The following TBC1D31 variants were observed in gnomAD, a reference collection of about 807,000 sequenced individuals.
The protein encoded by TBC1D31 is WD repeat domain 67.
A neutral mutation model predicts 132.9 loss-of-function variants in TBC1D31; 99 were observed. The ratio of observed to expected loss-of-function variants is 0.74; its 90% CI spans 0.63 to 0.88. TBC1D31 has a LOEUF of 0.88. TBC1D31 is among the 40% of genes least tolerant of loss of function. The probability of loss-of-function intolerance (pLI) is 0.00; values close to 1 mark genes in which losing one functional copy is unlikely to be tolerated. For missense variants in TBC1D31, 1,134 were observed against 1,256.6 expected (o/e 0.90, Z 1.48); for synonymous variants, 385 against 419.4 (o/e 0.92, Z 1.00).
intron 7 of TBC1D31, chr8:123,103,146 G>T (rs1817608521): frequency 6.6e-6 from 1 of 152,176 alleles, no homozygotes; most frequent in Admixed American, 6.5e-5. Context: ...TGTTCATGGT[G>T]ACTTTATAGA....
downstream of TBC1D31, among the ~76,000 whole-genome samples, chr8:123,155,854 A>T (rs1240505955): frequency 6.6e-6 from 1 of 152,196 alleles, no homozygotes; most frequent in East Asian, 1.9e-4. This position sits in a 1 kb window ranked among gnomAD's most constrained non-coding sequence, Gnocchi z 4.1. Flanking sequence ...AATTGACACT[A>T]ATTACTATGG....
rs535744319 is a variant in TBC1D31, at chr8:123,093,705, A to T, written c.634A>T (p.Ser212Cys). The T allele has an allele frequency of 6.2e-7, 1 of 1,610,726 alleles. No homozygotes were observed. Among genetic ancestry groups the T allele is most frequent in the Non-Finnish European group, 8.5e-7 (1 of 1,177,790 alleles). Residue 212 changes from serine (S) to cysteine (C), a missense_variant, in exon 5 of 22, where the codon AGC (serine) becomes TGC (cysteine). By Grantham distance (112) the Ser-to-Cys change is moderately radical (BLOSUM62 -1). Transcript: ENST00000287380. Reference protein sequence around the residue: ...CKYQLPAPPESSSILYKVFAV... With the variant: ...CKYQLPAPPECSSILYKVFAV... ...ATATCAATTGCCAGCTCCACCTGAA[A>T]GCTCTAGTATATTATACAAAGTGTT... is the stretch of plus-strand genomic sequence containing the variant.
At chr8:123,074,311 C>T (rs1814253456) in intron 1 of TBC1D31, among the ~76,000 whole-genome samples, 1 of 152,202 alleles carries the variant, frequency 6.6e-6, no homozygotes, top group African/African-American at 2.4e-5. Flanking sequence ...TAAGCCACCG[C>T]GCCTGGCCGA....
rs1820360600 is a variant in TBC1D31 at position 123,128,920 on chromosome 8, CAG to C, written c.2118-143_2118-142del. On this transcript the variant is annotated intron_variant, in intron 14 of 21. Coordinates refer to ENST00000287380, the MANE Select transcript of TBC1D31 (RefSeq NM_145647.4). The stretch of plus-strand genomic sequence containing the variant: ...TAAATTATGAGTATTTGTGTAAAAT[CAG>C]AGTTTGAAGGCTAGAAATATTAAAG... 2.5e-5 allele frequency: 14 copies of C among 557,544 alleles called. 1 individual carries two copies. The South Asian group carries it at 6.2e-4, about 25-fold the overall frequency. The allele number at this position is 557,544 out of a possible 1,614,324, so 34.5% of individuals were successfully genotyped here. A position where few individuals can be genotyped will look rare whatever the true frequency, so the allele number is the denominator to read the frequency against.
At chr8:123,128,890 G>A (rs1245779085) in intron 14 of TBC1D31, among the ~76,000 whole-genome samples, 176 bp from the exon 15 acceptor site, 2 of 151,798 alleles carry the variant, frequency 1.3e-5, no homozygotes, top group East Asian at 3.9e-4. Flanking sequence ...AAAAAAAAAT[G>A]CATTTAAATT....
At chr8:123,150,979 G>C (rs1822719082) in intron 21 of TBC1D31, among the ~76,000 whole-genome samples, 1 of 152,098 alleles carries the variant, frequency 6.6e-6, no homozygotes, top group Non-Finnish European at 1.5e-5. Flanking sequence ...CTAATACCAA[G>C]TCATGAGATT....
Position 123,093,654 on chromosome 8 carries a change from T to C in TBC1D31, c.583T>C (p.Trp195Arg). 1.9e-6 allele frequency: 3 copies of C among 1,611,386 alleles called. No homozygotes were observed. The highest frequency in any genetic ancestry group is 2.5e-6 in the Non-Finnish European group (3 of 1,178,028). Residue 195 changes from tryptophan to arginine, a missense_variant, in exon 5 of 22, where the codon TGG (tryptophan) becomes CGG (arginine). Trp to Arg is a moderately radical substitution (Grantham distance 101). Coordinates refer to ENST00000287380, the MANE Select transcript of TBC1D31 (RefSeq NM_145647.4). ...SCFKDNSIFA[W>R]ECDTLFCKYQ... ...TTTTAAAGATAATTCCATTTTTGCC[T>C]GGGAATGTGACACACTTTTTTGCAA...
intron 2 of TBC1D31, among the ~76,000 whole-genome samples, chr8:123,078,994 A>G (rs1814843111): frequency 6.6e-6 from 1 of 152,242 alleles, no homozygotes; most frequent in South Asian, 2.1e-4. Context: ...GATGCAGTGA[A>G]AAGAACACGG....
intron 16 of TBC1D31, among the ~76,000 whole-genome samples, chr8:123,132,491 G>A (rs1820727310): frequency 7.9e-6 from 1 of 127,284 alleles, no homozygotes; most frequent in East Asian, 2.3e-4. Flanking sequence ...CCGGCTCACT[G>A]CAACCTCCAC....
downstream of TBC1D31, among the ~76,000 whole-genome samples, chr8:123,157,049 C>G (rs908607416): frequency 1.3e-5 from 2 of 152,256 alleles, no homozygotes; most frequent in Non-Finnish European, 2.9e-5. Flanking sequence ...TACACGTGCT[C>G]TTTCCTGGAC....
rs1563756852 is a variant in TBC1D31 at position 123,144,702 on chromosome 8, TTTA to T, written c.2836-12_2836-10del. On this transcript the variant is annotated splice_polypyrimidine_tract_variant and intron_variant, in intron 19 of 21. Transcript: ENST00000287380. ...ACTTTTTATGTAATCTTTTTTTCCA[TTTA>T]TTTGAATTTAGTGGAAGGAAGCTGA... 6.3e-7 allele frequency: 1 copy of T among 1,593,964 alleles called. No individual in the cohort carries two copies. Among genetic ancestry groups the T allele is most frequent in the Admixed American group, 1.9e-5 (1 of 53,760 alleles).
chr8:123,118,090 G>A (rs975167053), intron 10 of TBC1D31, among the ~76,000 whole-genome samples: 1 of 152,052 alleles, frequency 6.6e-6, no homozygotes, highest in African/African-American at 2.4e-5. Context: ...CTCAAAAATG[G>A]CATCATCATG....
At chr8:123,118,268 G>C (rs1252441337) in intron 10 of TBC1D31, among the ~76,000 whole-genome samples, 1 of 150,958 alleles carries the variant, frequency 6.6e-6, no homozygotes, top group Non-Finnish European at 1.5e-5. Context: ...AATAGCATGT[G>C]CCAGTGTTAA....
At position 123,129,106 on chromosome 8, in the gene TBC1D31, A is replaced by G. The variant is rs759258580; in HGVS notation, c.2158A>G (p.Arg720Gly). ...TATGCAAGCTAAAGTCGACCAGCAA[A>G]GAGTTGAAGATGAAGCTTGGTACCA... is the stretch of plus-strand genomic sequence containing the variant. ...EDMQAKVDQQ[R>G]VEDEAWYQKQ... Residue 720 changes from arginine (R) to glycine (G), a missense_variant, in exon 15 of 22, where the codon AGA (arginine) becomes GGA (glycine). By Grantham distance (125) the Arg-to-Gly change is moderately radical. Coordinates refer to ENST00000287380, the MANE Select transcript of TBC1D31 (RefSeq NM_145647.4). The G allele has an allele frequency of 1.4e-5, 22 of 1,608,794 alleles. No individual in the cohort carries two copies. Among genetic ancestry groups the G allele is most frequent in the Non-Finnish European group, 1.7e-5 (20 of 1,176,408 alleles).
At chr8:123,082,560 G>A in intron 2 of TBC1D31, 142 bp from the exon 3 acceptor site, 1 of 613,170 alleles carries the variant, frequency 1.6e-6, no homozygotes, top group Non-Finnish European at 2.9e-6. Flanking sequence ...ATGGCACATA[G>A]CACCCTTCAT....
At chr8:123,159,312 C>A in the TBC1D31 span, among the ~76,000 whole-genome samples, 1 of 151,130 alleles carries the variant, frequency 6.6e-6, no homozygotes, top group South Asian at 2.1e-4. Flanking sequence ...AGGAAACAAC[C>A]CAAGTGTACA....
Position 123,142,388 on chromosome 8 carries a change from C to G in TBC1D31, c.2767C>G (p.Leu923Val). The G allele has an allele frequency of 1.2e-6, 2 of 1,607,434 alleles. No individual in the cohort carries two copies. Among genetic ancestry groups the G allele is most frequent in the Non-Finnish European group, 1.7e-6 (2 of 1,177,404 alleles). The change falls in exon 19 of 22, where the codon CTC becomes GTC. Residue 923 changes from leucine (L) to valine (V), a missense_variant. Coordinates refer to ENST00000287380, the MANE Select transcript of TBC1D31 (RefSeq NM_145647.4). ...CAAATGTTACCAGGAAGTAGCCAAA[C>G]TCCTTAGGGAAAACAGAAGGAAAGA... The part of the protein sequence containing the change: ...RNKCYQEVAK[L>V]LRENRRKEIE...
chr8:123,098,265 A>G (rs1817028005), intron 6 of TBC1D31, among the ~76,000 whole-genome samples: 1 of 152,054 alleles, frequency 6.6e-6, no homozygotes, highest in African/African-American at 2.4e-5. Context: ...TGTTTTTCCC[A>G]TTATTTTATA....
intron 10 of TBC1D31, among the ~76,000 whole-genome samples, chr8:123,116,572 G>A (rs932540688): frequency 6.6e-6 from 1 of 152,140 alleles, no homozygotes; most frequent in African/African-American, 2.4e-5. Flanking sequence ...ATGTATGCAG[G>A]AGTTAGTATA....
Sources: gnomAD v4.1 joint callset for allele counts (sites outside exome capture counted in the v4.1 genomes callset) on GRCh38, gnomAD v4.1.1 for gene constraint, Gnocchi (gnomAD v3.1) non-coding constraint, MANE v1.5 for transcripts, NCBI Gene and HGNC (gene_info 2026-07-23, HGNC 2026-07-21) for gene names.